CMTR1: variants seen among roughly 807,000 people sequenced by gnomAD.
CMTR1 encodes the protein cap-specific mRNA (nucleoside-2'-O-)-methyltransferase 1.
CMTR1 carries 39 observed loss-of-function variants against 107.0 expected under a neutral mutation model. The ratio of observed to expected loss-of-function variants is 0.36; its 90% CI spans 0.28 to 0.48. CMTR1 has a LOEUF of 0.48. Among genes scored for constraint, CMTR1 ranks in the 20% least tolerant of loss-of-function variants. The pLI, the probability that CMTR1 is intolerant of heterozygous loss-of-function variation, is 0.99. For missense variants in CMTR1, 672 were observed against 1,064.9 expected (o/e 0.63, Z 5.14); for synonymous variants, 366 against 379.5 (o/e 0.96, Z 0.41).
intron 10 of CMTR1, 105 bp downstream of exon 10, chr6:37,459,789 A>G (rs992280013): frequency 2.5e-6 from 2 of 814,888 alleles, no homozygotes; most frequent in African/African-American, 1.7e-5. Context: ...CAAAGATGGT[A>G]TTTCACAGTT....
At chr6:37,466,745 G>A (rs1761518997) in intron 13 of CMTR1, among the ~76,000 whole-genome samples, 1 of 152,034 alleles carries the variant, frequency 6.6e-6, no homozygotes, top group Non-Finnish European at 1.5e-5. Context: ...CTCCAACTTT[G>A]CTCATCATTT....
intron 6 of CMTR1, among the ~76,000 whole-genome samples, chr6:37,452,666 T>C (rs531856324): frequency 1.2e-4 from 19 of 152,276 alleles, no homozygotes; most frequent in African/African-American, 4.6e-4. Flanking sequence ...CTCCTCTCTC[T>C]AAGTGAGGTC....
At chr6:37,428,002 CAGAGACAGAGAGAGAGAGAGAGAGAG>C in the CMTR1 span, among the ~76,000 whole-genome samples, 3 of 87,638 alleles carry the variant, frequency 3.4e-5, no homozygotes, top group African/African-American at 8.2e-5. Context: ...ACCTAAGCAA[CAGAGACAGAGAGAGAGAGAGAGAGAG>C]AGAGAGAGAG....
rs1170472029 is a variant in CMTR1 at position 37,473,451 on chromosome 6, C to G, written c.1690-19C>G. 1 of 1,609,348 alleles carries G rather than the reference C, an allele frequency of 6.2e-7. No homozygotes were observed. Among genetic ancestry groups the G allele is most frequent in the East Asian group, 2.2e-5 (1 of 44,854 alleles). ...CCTTCCCCCAACCCGGCAGTGTTTT[C>G]TCTGACTCGTGGCTGCAGGGCACTG... On this transcript the variant is annotated intron_variant, in intron 16 of 23. Transcript: ENST00000373451.
At chr6:37,435,374 C>T (rs147441043) in intron 1 of CMTR1, among the ~76,000 whole-genome samples, 1 of 152,312 alleles carries the variant, frequency 6.6e-6, no homozygotes, top group African/African-American at 2.4e-5. Flanking sequence ...TATCTGACAC[C>T]AGTGGCCCAG....
intron 10 of CMTR1, among the ~76,000 whole-genome samples, chr6:37,460,998 C>T (rs542804918): frequency 6.6e-6 from 1 of 152,292 alleles, no homozygotes; most frequent in East Asian, 1.9e-4. Flanking sequence ...CAGCTGGATA[C>T]AAGAGGCACC....
chr6:37,466,802 T>A (rs1452415495), intron 13 of CMTR1, among the ~76,000 whole-genome samples: 1 of 152,172 alleles, frequency 6.6e-6, no homozygotes, highest in Non-Finnish European at 1.5e-5. Context: ...TCCATATAAA[T>A]TTTAGGATGG....
At chr6:37,446,786 C>T (rs1771806834) in intron 4 of CMTR1, among the ~76,000 whole-genome samples, 1 of 152,214 alleles carries the variant, frequency 6.6e-6, no homozygotes. Context: ...GTGCTCTCTG[C>T]TGAAAGTGTT....
chr6:37,443,132 C>T (rs1445204212), intron 2 of CMTR1, among the ~76,000 whole-genome samples: 1 of 152,186 alleles, frequency 6.6e-6, no homozygotes, highest in Non-Finnish European at 1.5e-5. Context: ...CAAATGCTAA[C>T]CCCTGAATGT....
At chr6:37,451,615 A>G (rs1457323155) in intron 5 of CMTR1, among the ~76,000 whole-genome samples, 191 bp from the exon 6 acceptor site, 2 of 152,122 alleles carry the variant, frequency 1.3e-5, no homozygotes, top group African/African-American at 2.4e-5. Context: ...GGGGTGCTTC[A>G]TCTCACAGCC....
At chr6:37,427,083 G>T in the CMTR1 span, among the ~76,000 whole-genome samples, 2 of 152,162 alleles carry the variant, frequency 1.3e-5, no homozygotes, top group Non-Finnish European at 2.9e-5. This position sits in a 1 kb window ranked among gnomAD's most constrained non-coding sequence, Gnocchi z 4.4. Context: ...CATGTGCACC[G>T]CTGTCTGCCA....
At chr6:37,453,963 C>T (rs1333111656) in intron 8 of CMTR1, among the ~76,000 whole-genome samples, 2 of 152,192 alleles carry the variant, frequency 1.3e-5, no homozygotes, top group Non-Finnish European at 2.9e-5. Flanking sequence ...TCTGAACAAG[C>T]TTTGCGTGGG....
chr6:37,453,407 TTC>T, intron 8 of CMTR1, 95 bp downstream of exon 8: 9 of 1,149,052 alleles, frequency 7.8e-6, no homozygotes, highest in Non-Finnish European at 1.2e-5. Flanking sequence ...TAGGAGAGTA[TTC>T]TGACTGTGTG....
At chr6:37,434,636 T>C (rs542472171) in intron 1 of CMTR1, among the ~76,000 whole-genome samples, 1 of 152,204 alleles carries the variant, frequency 6.6e-6, no homozygotes, top group Non-Finnish European at 1.5e-5. Context: ...TCTTTTTTGT[T>C]TTTTTGAGAC....
chr6:37,433,292 GA>G lies in CMTR1; in HGVS notation c.-91del. On this transcript the variant is annotated 5_prime_UTR_variant, in exon 1 of 24. Transcript: ENST00000373451. ...GGCTTGTGGGGAAACGAAACTGAGG[GA>G]GGAGGCGGCGGCTCTGGCAGCGGCG... 1 of 154,632 alleles carries G rather than the reference GA, an allele frequency of 6.5e-6. No individual in the cohort carries two copies. The highest frequency in any genetic ancestry group is 1.4e-5 in the Non-Finnish European group (1 of 69,904). The allele number at this position is 154,632 out of a possible 1,614,324, so 9.6% of individuals were successfully genotyped here. A position where few individuals can be genotyped will look rare whatever the true frequency, so the allele number is the denominator to read the frequency against.
At chr6:37,479,868 GGCCTACCGGGTACCTTTT>G (rs1362534643) in intron 23 of CMTR1, 127 bp from the exon 24 acceptor site, 12 of 763,402 alleles carry the variant, frequency 1.6e-5, no homozygotes, top group Non-Finnish European at 8.1e-6. Flanking sequence ...GGGGAGTTAG[GGCCTACCGGGTACCTTTT>G]GCCTGCCGGG....
intron 4 of CMTR1, among the ~76,000 whole-genome samples, chr6:37,446,880 A>C (rs1771810817): frequency 6.6e-6 from 1 of 152,178 alleles, no homozygotes; most frequent in South Asian, 2.1e-4. Context: ...GTACTTCCCC[A>C]GGTTTGTGCC....
At chr6:37,461,770 A>T in intron 11 of CMTR1, 125 bp downstream of exon 11, 1 of 829,920 alleles carries the variant, frequency 1.2e-6, no homozygotes, top group Non-Finnish European at 1.9e-6. Flanking sequence ...CAGGTAGCTA[A>T]ATGAGTAATT....
At chr6:37,454,058 A>G (rs1458199457) in intron 8 of CMTR1, among the ~76,000 whole-genome samples, 1 of 152,212 alleles carries the variant, frequency 6.6e-6, no homozygotes, top group Non-Finnish European at 1.5e-5. Flanking sequence ...TTCTCTGAAC[A>G]TAGACTCGCC....
Sources: gnomAD v4.1 joint callset for allele counts (sites outside exome capture counted in the v4.1 genomes callset) on GRCh38, gnomAD v4.1.1 for gene constraint, Gnocchi (gnomAD v3.1) non-coding constraint, MANE v1.5 for transcripts, NCBI Gene and HGNC (gene_info 2026-07-23, HGNC 2026-07-21) for gene names.